The following SCAND3 variants were observed in gnomAD, a reference collection of about 807,000 sequenced individuals.
The protein encoded by SCAND3 is SCAN domain containing 3, also known as SCAN domain-containing protein 3.
At chr6:28,580,193 G>C in the SCAND3 span, among the ~76,000 whole-genome samples, 96 of 152,252 alleles carry the variant, frequency 6.3e-4, no homozygotes, top group African/African-American at 2.3e-3. Context: ...TGTAATCCCA[G>C]CATTTTGGGA....
the SCAND3 span, among the ~76,000 whole-genome samples, chr6:28,584,649 A>C: frequency 6.6e-6 from 1 of 152,208 alleles, no homozygotes; most frequent in Non-Finnish European, 1.5e-5. Context: ...CAATGCATCC[A>C]AATTCTCCAC....
chr6:28,577,610 T>C, the SCAND3 span, among the ~76,000 whole-genome samples: 36 of 152,288 alleles, frequency 2.4e-4, no homozygotes, highest in African/African-American at 7.0e-4. Flanking sequence ...TCTTAACATA[T>C]ATCCCTAAGT....
At chr6:28,578,201 G>T in the SCAND3 span, among the ~76,000 whole-genome samples, 1 of 152,136 alleles carries the variant, frequency 6.6e-6, no homozygotes, top group Non-Finnish European at 1.5e-5. Context: ...TAAAATTAAT[G>T]ATATGTTACT....
chr6:28,592,140 G>A, the SCAND3 span, among the ~76,000 whole-genome samples: 1 of 152,054 alleles, frequency 6.6e-6, no homozygotes, highest in Non-Finnish European at 1.5e-5. This position sits in a 1 kb window ranked among gnomAD's most constrained non-coding sequence, Gnocchi z 4.1. Flanking sequence ...CATCCTAATA[G>A]GAAAGGAATT....
chr6:28,581,045 G>A, the SCAND3 span, among the ~76,000 whole-genome samples: 18 of 151,972 alleles, frequency 1.2e-4, no homozygotes, highest in East Asian at 3.9e-4. Flanking sequence ...TTTTTTTAAC[G>A]CTGGAAAGAA....
At chr6:28,608,722 G>A in the SCAND3 span, among the ~76,000 whole-genome samples, 1 of 152,136 alleles carries the variant, frequency 6.6e-6, no homozygotes, top group Non-Finnish European at 1.5e-5. Flanking sequence ...TATGAGGCTG[G>A]GCATGGTGGC....
At chr6:28,583,114 C>G in the SCAND3 span, among the ~76,000 whole-genome samples, 1 of 148,850 alleles carries the variant, frequency 6.7e-6, no homozygotes, top group Non-Finnish European at 1.5e-5. Context: ...AAAGGTGGGT[C>G]GGGCACGGTG....
chr6:28,616,035 C>T, the SCAND3 span: 6,190 of 152,274 alleles, frequency 0.041, 184 homozygotes, highest in Non-Finnish European at 0.062. The surrounding 1 kb of genome is among the most constrained non-coding windows in gnomAD (Gnocchi z 4.3). Flanking sequence ...CTTATACACT[C>T]GGGCCTTCTA....
At chr6:28,602,191 T>C in the SCAND3 span, among the ~76,000 whole-genome samples, 15 of 152,204 alleles carry the variant, frequency 9.9e-5, no homozygotes, top group Non-Finnish European at 1.6e-4. Flanking sequence ...TGATGATAAT[T>C]CATGACACTT....
At chr6:28,572,259 A>G in the SCAND3 span, 1 of 1,612,672 alleles carries the variant, frequency 6.2e-7, no homozygotes, top group Non-Finnish European at 8.5e-7. The surrounding 1 kb of genome is among the most constrained non-coding windows in gnomAD (Gnocchi z 4.1). Context: ...TTGATGAAAG[A>G]AATGGATTTT....
chr6:28,572,300 C>G, the SCAND3 span: 6 of 1,602,772 alleles, frequency 3.7e-6, no homozygotes, highest in African/African-American at 8.0e-5. The surrounding 1 kb of genome is among the most constrained non-coding windows in gnomAD (Gnocchi z 4.1). Context: ...CGTGGATCTT[C>G]TTTTGATGGA....
At chr6:28,573,067 G>A in the SCAND3 span, 3 of 1,610,114 alleles carry the variant, frequency 1.9e-6, no homozygotes, top group Non-Finnish European at 1.7e-6. Flanking sequence ...TGAGCTAGTT[G>A]TGTTTGTAGG....
chr6:28,598,876 CAA>C, the SCAND3 span, among the ~76,000 whole-genome samples: 1 of 74,304 alleles, frequency 1.3e-5, no homozygotes, highest in Non-Finnish European at 2.7e-5. Context: ...GACTATGTCT[CAA>C]AAAAAAAAAA....
At chr6:28,579,813 G>A in the SCAND3 span, among the ~76,000 whole-genome samples, 3 of 151,152 alleles carry the variant, frequency 2.0e-5, no homozygotes, top group African/African-American at 7.3e-5. The surrounding 1 kb of genome is among the most constrained non-coding windows in gnomAD (Gnocchi z 4.5). Context: ...TTGGGAGGTC[G>A]AGGCAGGTGG....
At chr6:28,611,331 C>A in the SCAND3 span, among the ~76,000 whole-genome samples, 2 of 152,204 alleles carry the variant, frequency 1.3e-5, no homozygotes, top group South Asian at 4.2e-4. Flanking sequence ...AATGGAGATA[C>A]TAGCAAAGAG....
the SCAND3 span, among the ~76,000 whole-genome samples, chr6:28,592,422 T>C: frequency 7.9e-5 from 12 of 152,214 alleles, no homozygotes; most frequent in African/African-American, 2.9e-4. The surrounding 1 kb of genome is among the most constrained non-coding windows in gnomAD (Gnocchi z 4.1). Flanking sequence ...AAAACTCTGA[T>C]AAAATGACAA....
At chr6:28,609,942 G>T in the SCAND3 span, among the ~76,000 whole-genome samples, 2 of 152,152 alleles carry the variant, frequency 1.3e-5, no homozygotes, top group Non-Finnish European at 2.9e-5. Context: ...AAATGGCATG[G>T]AGTCCAGGCA....
At chr6:28,589,882 AC>A in the SCAND3 span, 1 of 118,322 alleles carries the variant, frequency 8.5e-6, no homozygotes, top group Non-Finnish European at 1.7e-5. Flanking sequence ...TTCGCTGTGG[AC>A]CTTGCGCCCC....
the SCAND3 span, among the ~76,000 whole-genome samples, chr6:28,614,595 G>C: frequency 1.3e-5 from 2 of 152,096 alleles, no homozygotes; most frequent in African/African-American, 4.8e-5. Context: ...CTCCCAAGTA[G>C]CTGGGATTAC....
Sources: allele counts gnomAD v4.1 joint callset (sites outside exome capture counted in the v4.1 genomes callset), GRCh38; gene constraint gnomAD v4.1.1; non-coding constraint Gnocchi (gnomAD v3.1); transcripts MANE v1.5; gene names NCBI Gene and HGNC (gene_info 2026-07-23, HGNC 2026-07-21).